ENTHD1: variants seen among roughly 807,000 people sequenced by gnomAD.
ENTHD1 encodes ENTH domain-containing protein 1.
Under a neutral mutation model 39.1 loss-of-function variants are expected in ENTHD1, and 23 were observed. The observed-to-expected ratio is 0.59, with a 90% CI of 0.42 to 0.83. ENTHD1 has a LOEUF of 0.83. Among genes scored for constraint, ENTHD1 ranks in the 40% least tolerant of loss-of-function variants. The pLI is 0.00. For synonymous variants in ENTHD1, 230 were observed against 258.2 expected (o/e 0.89, Z 1.05); for missense variants, 624 against 705.4 (o/e 0.88, Z 1.31).
At chr22:39,760,456 T>G (rs1020299174) in intron 6 of ENTHD1, among the ~76,000 whole-genome samples, 3 of 152,046 alleles carry the variant, frequency 2.0e-5, no homozygotes, top group African/African-American at 7.2e-5. Flanking sequence ...CACTTTATTA[T>G]GCTGCTTGCA....
At chr22:39,775,495 A>G (rs560135820) in intron 5 of ENTHD1, among the ~76,000 whole-genome samples, 18 of 152,362 alleles carry the variant, frequency 1.2e-4, no homozygotes, top group African/African-American at 4.1e-4. Context: ...AACTAGAACT[A>G]GAATCCCAGA....
chr22:39,793,119 AG>A (rs2065518037), intron 5 of ENTHD1, among the ~76,000 whole-genome samples: 1 of 152,108 alleles, frequency 6.6e-6, no homozygotes, highest in African/African-American at 2.4e-5. Context: ...TTTTGATAAA[AG>A]CTATTTAAAC....
intron 5 of ENTHD1, among the ~76,000 whole-genome samples, chr22:39,803,521 G>A (rs755874769): frequency 6.6e-6 from 1 of 152,070 alleles, no homozygotes; most frequent in Non-Finnish European, 1.5e-5. Context: ...AGTCTGCCAT[G>A]TTTACTGCCA....
chr22:39,888,207 C>T (rs2066397893), intron 1 of ENTHD1, among the ~76,000 whole-genome samples: 1 of 150,314 alleles, frequency 6.7e-6, no homozygotes, highest in Non-Finnish European at 1.5e-5. Flanking sequence ...AGCAGACAAG[C>T]AACATTTTAA....
chr22:39,755,632 C>A (rs752767616), intron 6 of ENTHD1, among the ~76,000 whole-genome samples: 2 of 152,038 alleles, frequency 1.3e-5, no homozygotes, highest in African/African-American at 2.4e-5. Flanking sequence ...TGTTCCTGAG[C>A]ATAAAATGAG....
chr22:39,748,978 C>A (rs1476207405), intron 6 of ENTHD1, among the ~76,000 whole-genome samples: 3 of 152,208 alleles, frequency 2.0e-5, no homozygotes. Context: ...CTGGGACCCA[C>A]TGCTTTCTAC....
chr22:39,881,430 C>T (rs1027686301), intron 2 of ENTHD1, among the ~76,000 whole-genome samples: 6 of 152,094 alleles, frequency 3.9e-5, no homozygotes, highest in African/African-American at 4.8e-5. Flanking sequence ...AGGAAAAATG[C>T]GTTGAGAAAT....
chr22:39,759,390 T>A (rs1340416674), intron 6 of ENTHD1, among the ~76,000 whole-genome samples: 1 of 152,158 alleles, frequency 6.6e-6, no homozygotes, highest in African/African-American at 2.4e-5. Flanking sequence ...AGGCATCAAA[T>A]CTATTGCCAT....
chr22:39,777,565 G>A (rs961185272), intron 5 of ENTHD1, among the ~76,000 whole-genome samples: 6 of 152,120 alleles, frequency 3.9e-5, no homozygotes, highest in African/African-American at 1.4e-4. Flanking sequence ...ATATAAACTT[G>A]AAATAATGGC....
chr22:39,876,700 TTA>T (rs1479199833), intron 2 of ENTHD1, among the ~76,000 whole-genome samples: 2 of 152,134 alleles, frequency 1.3e-5, no homozygotes, highest in African/African-American at 4.8e-5. Context: ...AATATGTAAA[TTA>T]TATTTCAATA....
intron 1 of ENTHD1, among the ~76,000 whole-genome samples, chr22:39,889,609 T>C (rs1569184106): frequency 6.6e-6 from 1 of 152,260 alleles, no homozygotes; most frequent in Non-Finnish European, 1.5e-5. Flanking sequence ...TCACTGCTTT[T>C]AGTTTTGCTT....
chr22:39,820,890 C>G, intron 5 of ENTHD1, 103 bp downstream of exon 5: 1 of 1,265,034 alleles, frequency 7.9e-7, no homozygotes, highest in Non-Finnish European at 1.1e-6. Context: ...TTTATCCATG[C>G]TAGTTCTGTC....
intron 5 of ENTHD1, among the ~76,000 whole-genome samples, chr22:39,793,338 G>C (rs1207780453): frequency 8.6e-6 from 1 of 116,094 alleles, no homozygotes; most frequent in Non-Finnish European, 1.9e-5. Context: ...GGGATTATTA[G>C]TTGTTTTTTT....
chr22:39,891,469 T>C (rs1175671039), intron 1 of ENTHD1, among the ~76,000 whole-genome samples: 2 of 149,504 alleles, frequency 1.3e-5, no homozygotes, highest in Non-Finnish European at 3.0e-5. Context: ...TTTATAATTA[T>C]AATCACTTTT....
chr22:39,743,676 T>C lies in ENTHD1; in HGVS notation c.*3A>G, dbSNP rs759134141. On this transcript the variant is annotated 3_prime_UTR_variant, in exon 7 of 7. Transcript: ENST00000325157. ...GTTCTATCAAAAATAGATATTGTGA[T>C]GATTAGATCTGATCTGAGCTCCCCT... The C allele has an allele frequency of 2.3e-5, 36 of 1,577,846 alleles. No individual in the cohort carries two copies. The highest frequency in any genetic ancestry group is 3.0e-5 in the Non-Finnish European group (35 of 1,163,470).
chr22:39,769,703 T>C (rs2065307006), intron 5 of ENTHD1, among the ~76,000 whole-genome samples: 1 of 152,046 alleles, frequency 6.6e-6, no homozygotes. Context: ...AACAGTACCA[T>C]CTACAAGATA....
intron 4 of ENTHD1, among the ~76,000 whole-genome samples, chr22:39,821,567 G>A (rs916383652): frequency 3.3e-5 from 5 of 152,154 alleles, no homozygotes; most frequent in Non-Finnish European, 5.9e-5. Flanking sequence ...GGCTAATCTT[G>A]TTTCATTTAT....
intron 3 of ENTHD1, among the ~76,000 whole-genome samples, chr22:39,838,106 T>A (rs1334201661): frequency 4.6e-5 from 7 of 152,206 alleles, no homozygotes; most frequent in Admixed American, 4.6e-4. Flanking sequence ...TCTCAAAAAA[T>A]TGTATTGACA....
chr22:39,795,194 G>A (rs112899222), intron 5 of ENTHD1, among the ~76,000 whole-genome samples: 160 of 152,212 alleles, frequency 1.1e-3, no homozygotes, highest in African/African-American at 3.2e-3. Context: ...TTACAACTAT[G>A]TTCATCAGGT....
Sources: gnomAD v4.1 joint callset for allele counts (sites outside exome capture counted in the v4.1 genomes callset) on GRCh38, gnomAD v4.1.1 for gene constraint, MANE v1.5 for transcripts, NCBI Gene and HGNC (gene_info 2026-07-23, HGNC 2026-07-21) for gene names.